BOLA3: variants seen among roughly 807,000 people sequenced by gnomAD.
BOLA3 encodes the protein bolA-like protein 3.
BOLA3 carries 8 observed loss-of-function variants against 14.5 expected under a neutral mutation model. The ratio of observed to expected loss-of-function variants is 0.55; its 90% CI spans 0.32 to 0.99. The LOEUF (loss-of-function observed/expected upper bound fraction) is 0.99, where lower values mean the gene tolerates loss of function less well. BOLA3 is among the 50% of genes least tolerant of loss of function. BOLA3 has a pLI of 0.04. For synonymous variants in BOLA3, 42 were observed against 45.7 expected, an observed-to-expected ratio of 0.92 and a Z score of 0.33; for missense variants, 115 against 138.2, an observed-to-expected ratio of 0.83 and a Z score of 0.84.
chr2:74,144,830 C>T (rs1692514693), intron 2 of BOLA3, among the ~76,000 whole-genome samples: 1 of 152,198 alleles, frequency 6.6e-6, no homozygotes, highest in South Asian at 2.1e-4. Flanking sequence ...CACTCCAGCT[C>T]TGATATCCTA....
chr2:74,144,348 G>A (rs1692502995), intron 2 of BOLA3, among the ~76,000 whole-genome samples: 1 of 152,172 alleles, frequency 6.6e-6, no homozygotes. Flanking sequence ...GTGGTTTCCA[G>A]AATAAAATCT....
chr2:74,143,918 G>A (rs568706414), intron 2 of BOLA3, among the ~76,000 whole-genome samples: 3 of 148,632 alleles, frequency 2.0e-5, no homozygotes, highest in East Asian at 2.0e-4. Flanking sequence ...GGCTGGTCTC[G>A]AACTCCTGAC....
chr2:74,140,051 A>G (rs1208362076), intron 3 of BOLA3, among the ~76,000 whole-genome samples: 1 of 152,210 alleles, frequency 6.6e-6, no homozygotes, highest in Non-Finnish European at 1.5e-5. Context: ...TGGGAGGCCG[A>G]GGCAGGTGGA....
intron 3 of BOLA3, among the ~76,000 whole-genome samples, chr2:74,139,536 G>A (rs1692398939): frequency 6.6e-6 from 1 of 152,118 alleles, no homozygotes; most frequent in Admixed American, 6.5e-5. Context: ...GCTGTCCTGA[G>A]CAGGGCAGCT....
Position 74,142,680 on chromosome 2 carries a change from T to C in BOLA3, c.170-320A>G, listed in dbSNP as rs117231467. ...AGAGTGTTTCCTTTCACTAGGCCAA[T>C]AAACGCCACGGAAGAGGATGAGAAG... On this transcript the variant is annotated intron_variant, in intron 2 of 3. Coordinates refer to ENST00000327428, the MANE Select transcript of BOLA3 (RefSeq NM_212552.3). Among the ~76,000 whole-genome samples, 10 of 152,230 alleles carry C rather than the reference T, an allele frequency of 6.6e-5. No homozygotes were observed. In the East Asian group the frequency reaches 1.9e-3, roughly 29 times the overall value.
chr2:74,138,649 T>C (rs1692379932), intron 3 of BOLA3, among the ~76,000 whole-genome samples: 1 of 152,182 alleles, frequency 6.6e-6, no homozygotes, highest in African/African-American at 2.4e-5. Flanking sequence ...CTAGGAAGAC[T>C]GGACTGGATT....
intron 1 of BOLA3, chr2:74,147,418 A>G: frequency 3.6e-6 from 1 of 279,256 alleles, no homozygotes; most frequent in Non-Finnish European, 6.8e-6. Flanking sequence ...TCAAGGTCAG[A>G]GGCCCAGTCG....
intron 3 of BOLA3, among the ~76,000 whole-genome samples, chr2:74,135,931 G>T (rs950393234): frequency 6.8e-6 from 1 of 146,336 alleles, no homozygotes. Flanking sequence ...AAGAACTGTT[G>T]TTAGTTTCTT....
intron 3 of BOLA3, among the ~76,000 whole-genome samples, chr2:74,136,853 G>C (rs769324226): frequency 1.3e-4 from 20 of 152,168 alleles, no homozygotes; most frequent in Non-Finnish European, 2.4e-4. Context: ...AAGGAATTAT[G>C]GGACTTGTTT....
At chr2:74,144,531 G>GTT (rs1415711733) in intron 2 of BOLA3, among the ~76,000 whole-genome samples, 1 of 152,224 alleles carries the variant, frequency 6.6e-6, no homozygotes, top group Non-Finnish European at 1.5e-5. Context: ...GTGTGTGTGT[G>GTT]TGTGGATAAA....
chr2:74,143,951 G>A (rs957841334), intron 2 of BOLA3, among the ~76,000 whole-genome samples: 1 of 146,654 alleles, frequency 6.8e-6, no homozygotes, highest in Admixed American at 6.9e-5. Flanking sequence ...ACCTGCCTCA[G>A]CCTCCCAAAG....
chr2:74,145,335 G>A, intron 1 of BOLA3, 32 bp from the exon 2 acceptor site: 1 of 1,290,406 alleles, frequency 7.7e-7, no homozygotes, highest in Non-Finnish European at 1.1e-6. Context: ...GGTCAGGGCA[G>A]AGGAAGATGC....
intron 2 of BOLA3, among the ~76,000 whole-genome samples, chr2:74,142,637 G>A (rs1361715722): frequency 6.6e-6 from 1 of 152,124 alleles, no homozygotes; most frequent in African/African-American, 2.4e-5. Flanking sequence ...CACAAAGCAT[G>A]GACAACCTAG....
At position 74,135,787 on chromosome 2, in the gene BOLA3, C is replaced by A. The variant is rs1202441654; in HGVS notation, c.259-129G>T. On this transcript the variant is annotated intron_variant, in intron 3 of 3. Coordinates refer to ENST00000327428, the MANE Select transcript of BOLA3 (RefSeq NM_212552.3). ...ATGTGCTTTGTTTAAGCAATTTTTC[C>A]TTTTTTTGAAAAACAATTTTTTTTA... is the stretch of plus-strand genomic sequence containing the variant. The A allele has an allele frequency of 5.3e-6, 4 of 760,896 alleles. No individual in the cohort carries two copies. In the East Asian group the frequency reaches 7.5e-5, roughly 14 times the overall value. The allele number at this position is 760,896 out of a possible 1,614,324, so 47.1% of individuals were successfully genotyped here.
At chr2:74,138,670 A>T (rs750520680) in intron 3 of BOLA3, among the ~76,000 whole-genome samples, 2 of 152,212 alleles carry the variant, frequency 1.3e-5, no homozygotes, top group Non-Finnish European at 2.9e-5. Context: ...CTGGGCAACC[A>T]GGGGAGCCAC....
At chr2:74,139,788 C>A (rs183151808) in intron 3 of BOLA3, among the ~76,000 whole-genome samples, 90 of 152,320 alleles carry the variant, frequency 5.9e-4, no homozygotes, top group African/African-American at 2.1e-3. Flanking sequence ...CATGACCCCC[C>A]CAAGTCCTGA....
intron 3 of BOLA3, among the ~76,000 whole-genome samples, chr2:74,140,523 T>G (rs980896015): frequency 6.6e-6 from 1 of 152,116 alleles, no homozygotes; most frequent in Non-Finnish European, 1.5e-5. Context: ...TAAGCCTGCT[T>G]TCGAGGGGGA....
At chr2:74,143,884 G>A (rs1692492396) in intron 2 of BOLA3, among the ~76,000 whole-genome samples, 1 of 149,026 alleles carries the variant, frequency 6.7e-6, no homozygotes, top group South Asian at 2.1e-4. Flanking sequence ...TTCTGGTTGA[G>A]ATGGGGTTTC....
In BOLA3 at chr2:74,136,382, A is replaced by C. The variant is rs138267393; in HGVS notation, c.259-724T>G. Among the ~76,000 whole-genome samples the C allele has an allele frequency of 3.1e-3, 466 of 152,348 alleles. 2 individuals carry two copies. Among genetic ancestry groups the C allele is most frequent in the African/African-American group, 0.011 (446 of 41,582 alleles). On this transcript the variant is annotated intron_variant, in intron 3 of 3. Transcript: ENST00000327428. The stretch of plus-strand genomic sequence containing the variant: ...CAAACACATTACACCAAGCTTGTCC[A>C]ACCCACGGCCCATGACAGCTTTGAA...
Sources: allele counts gnomAD v4.1 joint callset (sites outside exome capture counted in the v4.1 genomes callset), GRCh38; gene constraint gnomAD v4.1.1; transcripts MANE v1.5; gene names NCBI Gene and HGNC (gene_info 2026-07-23, HGNC 2026-07-21).